The following CFAP47 variants were observed in gnomAD, a reference collection of about 807,000 sequenced individuals.
The protein encoded by CFAP47 is cilia and flagella associated protein 47.
In CFAP47, 29 loss-of-function variants were observed where a neutral mutation model predicts 148.1. The observed-to-expected ratio is 0.20, with a 90% confidence interval of 0.15 to 0.27. CFAP47 has a LOEUF of 0.27. Ranked by LOEUF, CFAP47 falls within the 10% of genes least tolerant of loss-of-function variation. CFAP47 has a pLI of 1.00. For synonymous variants in CFAP47, 664 were observed against 577.3 expected, an observed-to-expected ratio of 1.15 and a Z score of -2.15; for missense variants, 1,872 against 1,697.5, an observed-to-expected ratio of 1.10 and a Z score of -1.81.
Position 36,144,560 on chromosome X carries a change from G to T in CFAP47, c.5536-659G>T, listed in dbSNP as rs1315429579. 3.0e-6 allele frequency: 3 copies of T among 1,000,210 alleles called. No individual in the cohort carries two copies. In the South Asian group the frequency reaches 5.6e-5, roughly 19 times the overall value. 82.4% of individuals were successfully genotyped at this position (1,000,210 alleles called of 1,213,427 possible). A position where few individuals can be genotyped will look rare whatever the true frequency, so the allele number is the denominator to read the frequency against. On this transcript the variant is annotated intron_variant, in intron 35 of 63. Coordinates refer to ENST00000378653, the MANE Select transcript of CFAP47 (RefSeq NM_001304548.2). ...GATGACTGGCAACGTTTTGTTTCTAGGTGTGTCTGAGGGTGTTTCCAAAGG... is the reference window on the plus strand; with the variant it reads ...GATGACTGGCAACGTTTTGTTTCTATGTGTGTCTGAGGGTGTTTCCAAAGG...
intron 48 of CFAP47, among the ~76,000 whole-genome samples, chrX:36,242,920 C>T (rs1352543922): frequency 9.0e-6 from 1 of 111,346 alleles, no homozygotes; most frequent in Non-Finnish European, 1.9e-5. Flanking sequence ...GTCCTAAAGG[C>T]AGGTAAAGTG....
chrX:36,111,814 A>G (rs1601985228), intron 33 of CFAP47, among the ~76,000 whole-genome samples: 3 of 111,816 alleles, frequency 2.7e-5, no homozygotes, highest in Non-Finnish European at 3.8e-5. Context: ...CAGGGATTCA[A>G]TATCTTCCTA....
intron 26 of CFAP47, among the ~76,000 whole-genome samples, chrX:36,053,212 G>A (rs1392083478): frequency 2.7e-5 from 3 of 111,672 alleles, no homozygotes; most frequent in African/African-American, 9.8e-5. Flanking sequence ...CTACCAGGTA[G>A]CTACAGGCAA....
chrX:35,929,740 T>A (rs1331404191), intron 2 of CFAP47, among the ~76,000 whole-genome samples: 1 of 111,499 alleles, frequency 9.0e-6, no homozygotes, highest in Non-Finnish European at 1.9e-5. Context: ...GGCTCACGCT[T>A]GTAATCCCAG....
chrX:36,081,267 GA>G (rs767560248), intron 29 of CFAP47, among the ~76,000 whole-genome samples: 1 of 111,231 alleles, frequency 9.0e-6, no homozygotes, highest in Non-Finnish European at 1.9e-5. Flanking sequence ...TAAATTCCTG[GA>G]AGCACACATC....
At chrX:36,151,158 A>G (rs1338790014) in intron 37 of CFAP47, among the ~76,000 whole-genome samples, 2 of 112,078 alleles carry the variant, frequency 1.8e-5, no homozygotes, top group African/African-American at 6.5e-5. Context: ...TTAGTTTAAG[A>G]TTACTTTTCC....
chrX:35,949,458 G>A (rs1171299276), intron 4 of CFAP47, among the ~76,000 whole-genome samples: 4 of 111,658 alleles, frequency 3.6e-5, no homozygotes, highest in Middle Eastern at 4.7e-3. Context: ...AAGGTCAACT[G>A]AGAAGACTGA....
In CFAP47 at chrX:36,051,062, C is replaced by A. The variant is rs138156813; in HGVS notation, c.4217+3999C>A. Among the ~76,000 whole-genome samples, 494 of 112,336 alleles carry A rather than the reference C, an allele frequency of 4.4e-3. 2 individuals carry two copies. Among genetic ancestry groups the A allele is most frequent in the African/African-American group, 0.015 (470 of 30,938 alleles). On this transcript the variant is annotated intron_variant, in intron 26 of 63. Coordinates refer to ENST00000378653, the MANE Select transcript of CFAP47 (RefSeq NM_001304548.2). Reference sequence around the variant, plus strand: ...GATTTCGGATGATTTATGTAATCACCTGGATGTCCAGGCAGCAGTTTGCTG... The same window carrying A: ...GATTTCGGATGATTTATGTAATCACATGGATGTCCAGGCAGCAGTTTGCTG...
At chrX:35,964,225 T>C (rs1936371582) in intron 8 of CFAP47, among the ~76,000 whole-genome samples, 1 of 111,796 alleles carries the variant, frequency 8.9e-6, no homozygotes, top group Non-Finnish European at 1.9e-5. Context: ...AATGATAGTT[T>C]TGCTAGTTAT....
intron 51 of CFAP47, among the ~76,000 whole-genome samples, chrX:36,286,666 A>G (rs1469575590): frequency 7.2e-5 from 8 of 111,406 alleles, no homozygotes; most frequent in African/African-American, 9.7e-5. Flanking sequence ...GCAGTGTAAA[A>G]TCTTCCTTAA....
intron 62 of CFAP47, among the ~76,000 whole-genome samples, chrX:36,376,781 C>T (rs1366839850): frequency 2.3e-5 from 2 of 88,679 alleles, no homozygotes; most frequent in Non-Finnish European, 4.4e-5. Flanking sequence ...CCCCTCCCCC[C>T]ACCCCATGAC....
intron 10 of CFAP47, 85 bp from the exon 11 acceptor site, chrX:35,970,683 T>C (rs931396513): frequency 7.1e-6 from 5 of 704,693 alleles, no homozygotes; most frequent in Middle Eastern, 5.1e-4. Flanking sequence ...ACACCTGATA[T>C]AGAAATTGGC....
At chrX:36,305,883 G>A (rs1166854009) in intron 54 of CFAP47, among the ~76,000 whole-genome samples, 3 of 111,570 alleles carry the variant, frequency 2.7e-5, no homozygotes, top group Non-Finnish European at 5.7e-5. Context: ...AATATTAGAT[G>A]TAGATAAGCT....
At chrX:36,076,661 C>T (rs2146766178) in intron 29 of CFAP47, among the ~76,000 whole-genome samples, 1 of 111,312 alleles carries the variant, frequency 9.0e-6, no homozygotes, top group African/African-American at 3.3e-5. Flanking sequence ...GCATAGTTTG[C>T]AAATATTTGC....
rs1402760380 is a variant in CFAP47, at chrX:36,046,891, C to T, written c.4045C>T (p.Leu1349Phe). Residue 1349 changes from leucine (L) to phenylalanine (F), a missense_variant, in exon 26 of 64, where the codon CTT becomes TTT. Leu to Phe is a conservative substitution (Grantham distance 22, BLOSUM62 0). Coordinates refer to ENST00000378653, the MANE Select transcript of CFAP47 (RefSeq NM_001304548.2). Reference protein sequence around the residue: ...TLCVQIPTVRLLDGEEIHPLS... With the variant: ...TLCVQIPTVRFLDGEEIHPLS... Reference sequence around the variant, plus strand: ...ATGTGTCCAGATTCCCACAGTAAGGCTTCTTGATGGTGAAGAGATTCACCC... The same window carrying T: ...ATGTGTCCAGATTCCCACAGTAAGGTTTCTTGATGGTGAAGAGATTCACCC... 1 of 1,161,975 alleles carries T rather than the reference C, an allele frequency of 8.6e-7. No homozygotes were observed. The highest frequency in any genetic ancestry group is 1.1e-6 in the Non-Finnish European group (1 of 870,441).
intron 36 of CFAP47, among the ~76,000 whole-genome samples, chrX:36,146,144 A>T (rs1410598737): frequency 8.9e-6 from 1 of 111,909 alleles, no homozygotes; most frequent in African/African-American, 3.2e-5. Flanking sequence ...ATTATATTGA[A>T]TTTTTGACTT....
At chrX:35,920,108 C>G in intron 1 of CFAP47, 60 bp downstream of exon 1, 1 of 1,106,817 alleles carries the variant, frequency 9.0e-7, no homozygotes, top group East Asian at 3.1e-5. Flanking sequence ...CACACTGCGT[C>G]TCTCTTTGCC....
intron 25 of CFAP47, among the ~76,000 whole-genome samples, chrX:36,042,255 T>A (rs1419890169): frequency 2.7e-5 from 3 of 111,698 alleles, no homozygotes; most frequent in Non-Finnish European, 5.6e-5. Flanking sequence ...ACAATGCTTA[T>A]TATCACTGCT....
chrX:36,179,987 C>G (rs1285113323), intron 40 of CFAP47, among the ~76,000 whole-genome samples: 2 of 111,070 alleles, frequency 1.8e-5, no homozygotes, highest in Non-Finnish European at 3.8e-5. Context: ...AAGAAGGCCC[C>G]TTGTCACCTT....
Sources: gnomAD v4.1 joint callset for allele counts (sites outside exome capture counted in the v4.1 genomes callset) on GRCh38, gnomAD v4.1.1 for gene constraint, MANE v1.5 for transcripts, NCBI Gene and HGNC (gene_info 2026-07-23, HGNC 2026-07-21) for gene names.